C1QTNF5: variants seen among roughly 807,000 people sequenced by gnomAD.
C1QTNF5 encodes complement C1q tumor necrosis factor-related protein 5.
Under a neutral mutation model 10.9 loss-of-function variants are expected in C1QTNF5, and 5 were observed. That is an observed-to-expected ratio of 0.46 (90% CI 0.24 to 0.97). C1QTNF5 has a LOEUF of 0.97. C1QTNF5 is among the 50% of genes least tolerant of loss of function. The probability of loss-of-function intolerance (pLI) is 0.19; values close to 1 mark genes in which losing one functional copy is unlikely to be tolerated. For missense variants in C1QTNF5, 281 were observed against 339.4 expected, an observed-to-expected ratio of 0.83 and a Z score of 1.35; for synonymous variants, 161 against 156.5, an observed-to-expected ratio of 1.03 and a Z score of -0.22.
At chr11:119,344,663 A>G (rs1265848244), upstream of C1QTNF5, 2 of 1,614,042 alleles carry the variant, frequency 1.2e-6, no homozygotes, top group African/African-American at 1.3e-5. Context: ...TGGTCTCATC[A>G]CTGCCGTCAG....
chr11:119,344,939 A>C, upstream of C1QTNF5: 1 of 1,610,958 alleles, frequency 6.2e-7, no homozygotes, highest in South Asian at 1.1e-5. Flanking sequence ...GCTGTCAGAG[A>C]CGAAGACCAC....
chr11:119,343,619 C>A (rs1950525968), upstream of C1QTNF5, among the ~76,000 whole-genome samples: 1 of 152,136 alleles, frequency 6.6e-6, no homozygotes, highest in South Asian at 2.1e-4. Context: ...TGGGGAAGGA[C>A]CTCCTGGGGA....
chr11:119,345,035 G>T (rs776950274), upstream of C1QTNF5: 1 of 1,591,736 alleles, frequency 6.3e-7, no homozygotes, highest in African/African-American at 1.3e-5. Context: ...GGTGAGGGAG[G>T]CTCCAAGAGC....
upstream of C1QTNF5, chr11:119,342,720 A>G (rs2135369155): frequency 6.2e-7 from 1 of 1,613,538 alleles, no homozygotes; most frequent in Non-Finnish European, 8.5e-7. Flanking sequence ...CACTGGGCCC[A>G]CAGGGGTCTG....
At chr11:119,344,758 C>G (rs1357854800), upstream of C1QTNF5, 1 of 1,613,968 alleles carries the variant, frequency 6.2e-7, no homozygotes, top group Admixed American at 1.7e-5. Context: ...GCACAGCTCC[C>G]TGGATGTGGG....
chr11:119,345,782 G>A, upstream of C1QTNF5: 4 of 1,613,696 alleles, frequency 2.5e-6, no homozygotes, highest in Non-Finnish European at 3.4e-6. Context: ...CTGGACTGTG[G>A]GGAGGGGCTC....
At chr11:119,343,072 A>T (rs948411), upstream of C1QTNF5, 202,519 of 1,541,070 alleles carry the variant, frequency 0.13, 14,285 homozygotes, top group African/African-American at 0.23. Flanking sequence ...AGCCTCCCAC[A>T]GGCCTGGCTC....
At chr11:119,345,575 G>A (rs1216908582), upstream of C1QTNF5, 18 of 1,613,834 alleles carry the variant, frequency 1.1e-5, no homozygotes, top group Non-Finnish European at 1.5e-5. Context: ...GGGGGTAAGG[G>A]TCTGGGTAGT....
In C1QTNF5 at chr11:119,339,454, G is replaced by C. The variant is rs1413843173; in HGVS notation, c.609C>G (p.Asp203Glu). Reference protein sequence around the residue: ...GGAMVRLEPEDQVWVQVGVGD... With the variant: ...GGAMVRLEPEEQVWVQVGVGD... Reference sequence around the variant, plus strand: ...CCACACCCACCTGCACCCACACTTGGTCCTCAGGCTCCAGCCTCACCATGG... The same window carrying C: ...CCACACCCACCTGCACCCACACTTGCTCCTCAGGCTCCAGCCTCACCATGG... Residue 203 changes from aspartate to glutamate, a missense_variant, in exon 3 of 3, where the codon GAC (aspartate) becomes GAG (glutamate). Asp to Glu is a conservative substitution (Grantham distance 45). Transcript: ENST00000528368. This position sits in a 1 kb window ranked among gnomAD's most constrained non-coding sequence, Gnocchi z 5.4. 2.5e-6 allele frequency: 4 copies of C among 1,614,044 alleles called. No homozygotes were observed. The East Asian group carries it at 8.9e-5, about 36-fold the overall frequency.
At chr11:119,346,656 G>A in the C1QTNF5 span, 2 of 805,682 alleles carry the variant, frequency 2.5e-6, no homozygotes, top group Non-Finnish European at 4.2e-6. Context: ...CCAGTTCTTG[G>A]GCTGTCCTTG....
chr11:119,341,536 C>T (rs3814765), upstream of C1QTNF5: 162 of 1,609,102 alleles, frequency 1.0e-4, no homozygotes, highest in East Asian at 3.5e-3. Context: ...AGGGCAGGGG[C>T]CGGCTTCAGG....
At position 119,339,486 on chromosome 11, in the gene C1QTNF5, C is replaced by G. The variant is rs1444890873; in HGVS notation, c.577G>C (p.Gly193Arg). 3.7e-6 allele frequency: 6 copies of G among 1,613,942 alleles called. No homozygotes were observed. Among genetic ancestry groups the G allele is most frequent in the South Asian group, 3.3e-5 (3 of 91,088 alleles). The change falls in exon 3 of 3, where the codon GGG (glycine) becomes CGG (arginine). Residue 193 changes from glycine (G) to arginine (R), a missense_variant. Coordinates refer to ENST00000528368, the MANE Select transcript of C1QTNF5 (RefSeq NM_001278431.2). This position sits in a 1 kb window ranked among gnomAD's most constrained non-coding sequence, Gnocchi z 5.4. ...GGWPKPASLS[G>R]GAMVRLEPED... The stretch of plus-strand genomic sequence containing the variant: ...GGCTCCAGCCTCACCATGGCCCCCC[C>G]CGAGAGCGAGGCTGGCTTGGGCCAC...
chr11:119,342,948 C>A (rs769294778), upstream of C1QTNF5: 6 of 1,612,250 alleles, frequency 3.7e-6, no homozygotes, highest in Non-Finnish European at 4.2e-6. Context: ...CTAAACAGCA[C>A]AGCCAGCTCA....
upstream of C1QTNF5, chr11:119,344,768 GCA>G (rs774407800): frequency 6.2e-7 from 1 of 1,613,902 alleles, no homozygotes; most frequent in Non-Finnish European, 8.5e-7. Context: ...CTGGATGTGG[GCA>G]CCAGGAGTCA....
upstream of C1QTNF5, chr11:119,343,786 T>G (rs775758866): frequency 1.9e-6 from 3 of 1,612,376 alleles, no homozygotes; most frequent in Non-Finnish European, 2.5e-6. Flanking sequence ...GAGGATGGAG[T>G]TATCCATGGC....
upstream of C1QTNF5, among the ~76,000 whole-genome samples, chr11:119,343,272 A>G (rs572323969): frequency 6.6e-6 from 1 of 152,352 alleles, no homozygotes; most frequent in East Asian, 1.9e-4. Flanking sequence ...GCATTTTGGG[A>G]GGCTGAGTAG....
chr11:119,345,082 G>A, upstream of C1QTNF5: 9 of 1,540,444 alleles, frequency 5.8e-6, no homozygotes, highest in South Asian at 1.1e-4. Context: ...GGGCCTTGCA[G>A]TCCTATTTTC....
At chr11:119,344,376 A>G (rs1018726099), upstream of C1QTNF5, 11 of 1,613,938 alleles carry the variant, frequency 6.8e-6, no homozygotes, top group Non-Finnish European at 9.3e-6. Flanking sequence ...GAGGCCAGTC[A>G]GATTCCCCCC....
chr11:119,344,290 G>A (rs373354558), upstream of C1QTNF5: 80 of 1,608,382 alleles, frequency 5.0e-5, no homozygotes, highest in East Asian at 5.3e-4. Flanking sequence ...TGCCCCTCCC[G>A]TTCTGCATGG....
Sources: gnomAD v4.1 joint callset for allele counts (sites outside exome capture counted in the v4.1 genomes callset) on GRCh38, gnomAD v4.1.1 for gene constraint, Gnocchi (gnomAD v3.1) non-coding constraint, MANE v1.5 for transcripts, NCBI Gene and HGNC (gene_info 2026-07-23, HGNC 2026-07-21) for gene names.